Variants in PFKFB3 observed in about 807,000 individuals in gnomAD.
The protein encoded by PFKFB3 is 6-phosphofructo-2-kinase/fructose-2,6-bisphosphatase 3.
PFKFB3 carries 33 observed loss-of-function variants against 68.0 expected under a neutral mutation model. That is an observed-to-expected ratio of 0.49 (90% CI 0.37 to 0.65). The LOEUF (loss-of-function observed/expected upper bound fraction) is 0.65. Among genes scored for constraint, PFKFB3 ranks in the 30% least tolerant of loss-of-function variants. The pLI, the probability that PFKFB3 is intolerant of heterozygous loss-of-function variation, is 0.00. For synonymous variants in PFKFB3, 315 were observed against 288.2 expected, an observed-to-expected ratio of 1.09 and a Z score of -0.94; for missense variants, 586 against 712.2, an observed-to-expected ratio of 0.82 and a Z score of 2.02.
chr10:6,287,488 T>A, the PFKFB3 span, among the ~76,000 whole-genome samples: 1 of 152,204 alleles, frequency 6.6e-6, no homozygotes, highest in Non-Finnish European at 1.5e-5. Context: ...CTACAGTATT[T>A]AGTACAGCAA....
the PFKFB3 span, among the ~76,000 whole-genome samples, chr10:6,278,790 C>T: frequency 6.6e-6 from 1 of 152,156 alleles, no homozygotes; most frequent in Non-Finnish European, 1.5e-5. Context: ...TCAATAAATG[C>T]TCGTTTAAGG....
intron 14 of PFKFB3, among the ~76,000 whole-genome samples, chr10:6,243,612 A>G (rs1271987688): frequency 6.6e-6 from 1 of 152,172 alleles, no homozygotes; most frequent in East Asian, 1.9e-4. Flanking sequence ...CTCTTTCCCT[A>G]ATTCAACTTT....
intron 1 of PFKFB3, among the ~76,000 whole-genome samples, chr10:6,160,202 G>A (rs1314432958): frequency 1.3e-5 from 2 of 152,126 alleles, no homozygotes; most frequent in East Asian, 3.8e-4. Context: ...AGAGGATGGG[G>A]GAATATACAA....
At chr10:6,307,086 C>T in the PFKFB3 span, among the ~76,000 whole-genome samples, 1 of 152,128 alleles carries the variant, frequency 6.6e-6, no homozygotes, top group African/African-American at 2.4e-5. Context: ...AGACTGACCT[C>T]CCCTGAGCAA....
intron 1 of PFKFB3, among the ~76,000 whole-genome samples, chr10:6,210,456 G>A (rs1446922597): frequency 3.6e-5 from 4 of 112,590 alleles, no homozygotes; most frequent in Admixed American, 9.6e-5. Flanking sequence ...CGCCTCCCGG[G>A]TTCACGCCAT....
At chr10:6,255,873 A>G (rs1425677720), downstream of PFKFB3, among the ~76,000 whole-genome samples, 3 of 152,142 alleles carry the variant, frequency 2.0e-5, no homozygotes, top group Non-Finnish European at 4.4e-5. Flanking sequence ...GCATTCTATC[A>G]TCATTATCCT....
chr10:6,159,927 GT>G (rs1191614817), intron 1 of PFKFB3, among the ~76,000 whole-genome samples: 30 of 144,164 alleles, frequency 2.1e-4, no homozygotes, highest in South Asian at 4.4e-4. Context: ...CCTGGCTATT[GT>G]TTTTTTTTTT....
intron 1 of PFKFB3, among the ~76,000 whole-genome samples, chr10:6,168,600 A>C (rs1225709763): frequency 6.6e-6 from 1 of 152,240 alleles, no homozygotes; most frequent in Non-Finnish European, 1.5e-5. Context: ...AGTGCTTCCT[A>C]AGTGGGCCTT....
In PFKFB3 at chr10:6,234,800, A is replaced by G. The variant is rs1487914664; in HGVS notation, c.*1858A>G. On this transcript the variant is annotated 3_prime_UTR_variant, in exon 15 of 15. Transcript: ENST00000379775. ...ACATCGACTCTGAAGTTTGATACAG[A>G]TAGGGGCTTGATAGCTGTGGTCCCC... 2 of 152,378 alleles carry G rather than the reference A, an allele frequency of 1.3e-5. No individual in the cohort carries two copies. Among genetic ancestry groups the G allele is most frequent in the East Asian group, 3.8e-4 (2 of 5,318 alleles). 9.4% of individuals were successfully genotyped at this position (152,378 alleles called of 1,614,324 possible).
intron 1 of PFKFB3, chr10:6,146,376 G>C (rs764257198): frequency 1.3e-6 from 2 of 1,535,352 alleles, no homozygotes; most frequent in South Asian, 1.2e-5. Context: ...TTGGGGTAGA[G>C]AGATGGGGGA....
At chr10:6,250,954 T>C (rs1373548504) in intron 14 of PFKFB3, among the ~76,000 whole-genome samples, 2 of 152,204 alleles carry the variant, frequency 1.3e-5, no homozygotes, top group Admixed American at 6.6e-5. Flanking sequence ...AATCATCTTG[T>C]GACCTTTCAC....
At chr10:6,218,720 A>G (rs1844756779) in intron 6 of PFKFB3, among the ~76,000 whole-genome samples, 2 of 152,202 alleles carry the variant, frequency 1.3e-5, no homozygotes, top group Admixed American at 1.3e-4. Context: ...GGCGTGAGCC[A>G]CTGCATCCGG....
chr10:6,178,134 G>A (rs1382742637), intron 1 of PFKFB3, among the ~76,000 whole-genome samples: 1 of 152,202 alleles, frequency 6.6e-6, no homozygotes, highest in Non-Finnish European at 1.5e-5. Context: ...CAGGACCTTT[G>A]GGAATCTGAA....
At chr10:6,282,313 A>G in the PFKFB3 span, among the ~76,000 whole-genome samples, 6 of 152,194 alleles carry the variant, frequency 3.9e-5, no homozygotes, top group Non-Finnish European at 7.3e-5. Context: ...AGACAGGATC[A>G]TAAGAGCCTC....
chr10:6,190,708 G>T (rs142979228), intron 1 of PFKFB3, among the ~76,000 whole-genome samples: 1 of 152,186 alleles, frequency 6.6e-6, no homozygotes, highest in Admixed American at 6.5e-5. Flanking sequence ...GAATAGGCTC[G>T]TGTGTTTCTT....
intron 1 of PFKFB3, among the ~76,000 whole-genome samples, chr10:6,177,441 T>G (rs1842541934): frequency 9.3e-6 from 1 of 107,486 alleles, no homozygotes; most frequent in Admixed American, 9.4e-5. Context: ...TTTCTTTCTC[T>G]TTCTTTCTTT....
At position 6,223,948 on chromosome 10, in the gene PFKFB3, T is replaced by C. The variant is rs763550667; in HGVS notation, c.1214-10T>C. On this transcript the variant is annotated splice_polypyrimidine_tract_variant and intron_variant, in intron 11 of 14. Coordinates refer to ENST00000379775, the MANE Select transcript of PFKFB3 (RefSeq NM_004566.4). ...CATTTCTAACTGTGGGTGTACAATTTCAATTTCAGAGGAGATGCCCTACCT... is the reference window on the plus strand; with the variant it reads ...CATTTCTAACTGTGGGTGTACAATTCCAATTTCAGAGGAGATGCCCTACCT... 13 of 1,613,080 alleles carry C rather than the reference T, an allele frequency of 8.1e-6. No homozygotes were observed. Among genetic ancestry groups the C allele is most frequent in the African/African-American group, 1.3e-5 (1 of 74,874 alleles).
At chr10:6,205,989 T>A (rs551212616) in intron 1 of PFKFB3, among the ~76,000 whole-genome samples, 6 of 146,762 alleles carry the variant, frequency 4.1e-5, no homozygotes, top group African/African-American at 1.5e-4. Context: ...TTTTTTTTTT[T>A]AATTGATCAT....
chr10:6,282,071 G>C, the PFKFB3 span, among the ~76,000 whole-genome samples: 1 of 151,786 alleles, frequency 6.6e-6, no homozygotes, highest in Admixed American at 6.6e-5. Context: ...CTGGGCTCAA[G>C]TGATCCTCCT....
Sources: gnomAD v4.1 joint callset for allele counts (sites outside exome capture counted in the v4.1 genomes callset) on GRCh38, gnomAD v4.1.1 for gene constraint, MANE v1.5 for transcripts, NCBI Gene and HGNC (gene_info 2026-07-23, HGNC 2026-07-21) for gene names.